Variants in GZMA observed in about 807,000 individuals in gnomAD.
GZMA encodes granzyme A.
In GZMA, 17 loss-of-function variants were observed where a neutral mutation model predicts 21.1. The ratio of observed to expected loss-of-function variants is 0.81; its 90% CI spans 0.55 to 1.21. The LOEUF is 1.21. Ranked by LOEUF, GZMA falls within the 50% of genes most tolerant of loss-of-function variation. The pLI is 0.00. For missense variants in GZMA, 306 were observed against 315.9 expected, an observed-to-expected ratio of 0.97 and a Z score of 0.24; for synonymous variants, 90 against 107.8, an observed-to-expected ratio of 0.83 and a Z score of 1.03.
chr5:55,103,590 A>T (rs1742338775), intron 1 of GZMA, among the ~76,000 whole-genome samples: 2 of 152,190 alleles, frequency 1.3e-5, no homozygotes, highest in East Asian at 3.8e-4. Flanking sequence ...CTAGGAAGTG[A>T]GGACTACTCT....
intron 4 of GZMA, 75 bp from the exon 5 acceptor site, chr5:55,109,946 G>A: frequency 9.0e-7 from 1 of 1,110,356 alleles, no homozygotes; most frequent in Non-Finnish European, 1.2e-6. Flanking sequence ...ATTAAATGCT[G>A]CAGAATTTCT....
At chr5:55,107,753 C>T in intron 2 of GZMA, 41 bp from the exon 3 acceptor site, 1 of 1,568,994 alleles carries the variant, frequency 6.4e-7, no homozygotes, top group Non-Finnish European at 8.8e-7. Flanking sequence ...ACTGCCAATA[C>T]AAAGAATAAA....
In GZMA at chr5:55,110,011, T is replaced by A. The variant is rs985995991; in HGVS notation, c.628-10T>A. ...TGACCCCACACCCTACCCCTCTTGT[T>A]TTCCTCCAGGGAGATTCTGGAAGCC... On this transcript the variant is annotated splice_polypyrimidine_tract_variant and intron_variant, in intron 4 of 4. Coordinates refer to ENST00000274306, the MANE Select transcript of GZMA (RefSeq NM_006144.4). 1 of 1,585,210 alleles carries A rather than the reference T, an allele frequency of 6.3e-7. No individual in the cohort carries two copies.
rs774550337 is a variant in GZMA at position 55,108,106 on chromosome 5, T to C, written c.358-19T>C. The C allele has an allele frequency of 6.4e-7, 1 of 1,557,928 alleles. No homozygotes were observed. On this transcript the variant is annotated intron_variant, in intron 3 of 4. Transcript: ENST00000274306. ...TATTTATCTTATCCCATTAACACTT[T>C]ATGTTTTTCTTCCAACAGCTGATGG...
Position 55,108,338 on chromosome 5 carries a change from A to G in GZMA, c.571A>G (p.Ile191Val). Residue 191 changes from isoleucine (I) to valine (V), a missense_variant, in exon 4 of 5, where the codon ATT becomes GTT. By Grantham distance (29) the Ile-to-Val change is conservative. Coordinates refer to ENST00000274306, the MANE Select transcript of GZMA (RefSeq NM_006144.4). The part of the protein sequence containing the change: ...DRNHYNFNPV[I>V]GMNMVCAGSL... ...AAATCACTATAATTTTAACCCTGTG[A>G]TTGGAATGAATATGGTTTGTGCTGG... 1 of 1,613,526 alleles carries G rather than the reference A, an allele frequency of 6.2e-7. No individual in the cohort carries two copies. The highest frequency in any genetic ancestry group is 8.5e-7 in the Non-Finnish European group (1 of 1,179,454).
At chr5:55,105,360 T>C (rs1053669413) in intron 1 of GZMA, 114 bp from the exon 2 acceptor site, 2 of 808,088 alleles carry the variant, frequency 2.5e-6, no homozygotes, top group Admixed American at 4.9e-5. Context: ...GGAAATGCTC[T>C]CATCCAGACT....
At chr5:55,107,725 G>T in intron 2 of GZMA, 69 bp from the exon 3 acceptor site, 9 of 1,192,888 alleles carry the variant, frequency 7.5e-6, no homozygotes, top group African/African-American at 1.5e-5. Context: ...CAATGAAACT[G>T]ATCAGTATAT....
chr5:55,104,842 A>C (rs1315555414), intron 1 of GZMA, among the ~76,000 whole-genome samples: 1 of 152,198 alleles, frequency 6.6e-6, no homozygotes. Context: ...ATCTCATTGG[A>C]AAAGACCTTA....
At chr5:55,102,845 A>T (rs1742326846) in intron 1 of GZMA, 93 bp downstream of exon 1, 1 of 807,416 alleles carries the variant, frequency 1.2e-6, no homozygotes, top group African/African-American at 1.7e-5. Context: ...TCCTATACTG[A>T]AAGAAGATGT....
intron 1 of GZMA, 59 bp from the exon 2 acceptor site, chr5:55,105,415 T>A (rs1429390883): frequency 1.3e-6 from 2 of 1,481,852 alleles, no homozygotes; most frequent in Admixed American, 3.8e-5. Flanking sequence ...GAAACATGAC[T>A]TTGTGTAGAG....
chr5:55,106,645 A>G (rs894858095), intron 2 of GZMA, among the ~76,000 whole-genome samples: 1 of 152,158 alleles, frequency 6.6e-6, no homozygotes, highest in African/African-American at 2.4e-5. Flanking sequence ...TCAAGTACAG[A>G]AAGCTTGTGT....
At chr5:55,104,651 G>A (rs1238885736) in intron 1 of GZMA, among the ~76,000 whole-genome samples, 1 of 152,202 alleles carries the variant, frequency 6.6e-6, no homozygotes, top group African/African-American at 2.4e-5. Flanking sequence ...TCTGGTGCAG[G>A]AGGTGGAGCA....
At chr5:55,106,683 A>C (rs1432569171) in intron 2 of GZMA, among the ~76,000 whole-genome samples, 1 of 152,062 alleles carries the variant, frequency 6.6e-6, no homozygotes, top group African/African-American at 2.4e-5. Flanking sequence ...TGCCTCCGTG[A>C]ATTCCTCTCA....
At chr5:55,104,304 CATG>C (rs1324885788) in intron 1 of GZMA, among the ~76,000 whole-genome samples, 7 of 152,166 alleles carry the variant, frequency 4.6e-5, no homozygotes, top group Non-Finnish European at 8.8e-5. Context: ...TCTATCTGTA[CATG>C]AATCACCCTA....
chr5:55,110,047 C>A lies in GZMA; in HGVS notation c.654C>A (p.Cys218Ter). The change falls in exon 5 of 5, where the codon TGC becomes TGA. Residue 218 changes from cysteine (C) to a stop codon, truncating the protein, a stop_gained. Transcript: ENST00000274306. LOFTEE classifies it low-confidence loss of function (END_TRUNC). ...CNGDSGSPLLCEGVFRGVTSF... is the reference protein window; with the variant it reads ...CNGDSGSPLL The stretch of plus-strand genomic sequence containing the variant: ...GAGATTCTGGAAGCCCTTTGTTGTG[C>A]GAGGGTGTTTTCCGAGGGGTCACTT... The A allele has an allele frequency of 1.2e-6, 2 of 1,611,042 alleles. No homozygotes were observed. Among genetic ancestry groups the A allele is most frequent in the South Asian group, 1.1e-5 (1 of 90,566 alleles).
chr5:55,103,270 A>G (rs1433345257), intron 1 of GZMA, among the ~76,000 whole-genome samples: 1 of 152,174 alleles, frequency 6.6e-6, no homozygotes, highest in Non-Finnish European at 1.5e-5. Context: ...TGCATAGATA[A>G]AGACAATTAA....
At position 55,105,593 on chromosome 5, in the gene GZMA, G is replaced by A. The variant is rs755535555; in HGVS notation, c.190G>A (p.Val64Met). The change falls in exon 2 of 5, where the codon GTG (valine) becomes ATG (methionine). Residue 64 changes from valine to methionine, a missense_variant. Physicochemically the swap from Val to Met is conservative, Grantham distance 21. Coordinates refer to ENST00000274306, the MANE Select transcript of GZMA (RefSeq NM_006144.4). Reference sequence around the variant, plus strand: ...TGGGGCTTTGATTGCAAAAGACTGGGTGTTGACTGCAGCTCACTGTAACTT... The same window carrying A: ...TGGGGCTTTGATTGCAAAAGACTGGATGTTGACTGCAGCTCACTGTAACTT... ...CAGALIAKDW[V>M]LTAAHCNLNK... The A allele has an allele frequency of 2.2e-5, 35 of 1,613,728 alleles. No individual in the cohort carries two copies. The African/African-American group carries it at 3.3e-4, about 15-fold the overall frequency.
Position 55,107,785 on chromosome 5 carries a change from T to C in GZMA, c.216-9T>C. ...TAAATCCAGTAAATAATGTTGTGTC[T>C]GTTCTCAGGAACAAAAGGTCCCAGG... On this transcript the variant is annotated splice_polypyrimidine_tract_variant and intron_variant, in intron 2 of 4. Transcript: ENST00000274306. 1 of 1,610,196 alleles carries C rather than the reference T, an allele frequency of 6.2e-7. No homozygotes were observed. Among genetic ancestry groups the C allele is most frequent in the Non-Finnish European group, 8.5e-7 (1 of 1,176,712 alleles).
At chr5:55,106,585 C>A (rs1198475504) in intron 2 of GZMA, among the ~76,000 whole-genome samples, 2 of 152,190 alleles carry the variant, frequency 1.3e-5, no homozygotes, top group East Asian at 3.9e-4. Flanking sequence ...TTAGCCTCAG[C>A]ATGGAAGGGT....
Sources: gnomAD v4.1 joint callset for allele counts (sites outside exome capture counted in the v4.1 genomes callset) on GRCh38, gnomAD v4.1.1 for gene constraint, MANE v1.5 for transcripts, NCBI Gene and HGNC (gene_info 2026-07-23, HGNC 2026-07-21) for gene names.